Variants in RPGRIP1L observed in about 807,000 individuals in gnomAD.
RPGRIP1L encodes protein fantom.
RPGRIP1L carries 131 observed loss-of-function variants against 160.4 expected under a neutral mutation model. The ratio of observed to expected loss-of-function variants is 0.82; its 90% confidence interval spans 0.71 to 0.94. The LOEUF (loss-of-function observed/expected upper bound fraction) is 0.94, where lower values mean the gene tolerates loss of function less well. Among genes scored for constraint, RPGRIP1L ranks in the 40% least tolerant of loss-of-function variants. The pLI is 0.00. For missense variants in RPGRIP1L, 1,522 were observed against 1,535.8 expected, an observed-to-expected ratio of 0.99 and a Z score of 0.15; for synonymous variants, 510 against 515.8, an observed-to-expected ratio of 0.99 and a Z score of 0.15.
intron 10 of RPGRIP1L, among the ~76,000 whole-genome samples, chr16:53,660,724 C>G (rs1305072956): frequency 1.3e-5 from 2 of 150,800 alleles, no homozygotes; most frequent in Non-Finnish European, 3.0e-5. Flanking sequence ...TGAACCCCGT[C>G]TCTACTAAAA....
intron 15 of RPGRIP1L, among the ~76,000 whole-genome samples, chr16:53,651,196 C>T (rs1966850161): frequency 6.6e-6 from 1 of 152,108 alleles, no homozygotes; most frequent in Non-Finnish European, 1.5e-5. Flanking sequence ...GCTGCTCATG[C>T]CAGAAATTCT....
chr16:53,624,898 T>C (rs1368906158), intron 22 of RPGRIP1L, among the ~76,000 whole-genome samples: 1 of 151,308 alleles, frequency 6.6e-6, no homozygotes, highest in Non-Finnish European at 1.5e-5. Context: ...GCCGAGTGCC[T>C]GGGATTGCAG....
intron 4 of RPGRIP1L, among the ~76,000 whole-genome samples, chr16:53,688,746 G>A (rs1028193182): frequency 1.2e-4 from 18 of 152,052 alleles, no homozygotes; most frequent in Admixed American, 7.2e-4. Context: ...AGATTTCATT[G>A]CTCTGCATAT....
chr16:53,655,228 G>A (rs896831132), intron 14 of RPGRIP1L, among the ~76,000 whole-genome samples: 3 of 152,078 alleles, frequency 2.0e-5, no homozygotes, highest in Admixed American at 1.3e-4. Context: ...TTTAAACAAT[G>A]TCCCTCTTCT....
Position 53,699,385 on chromosome 16 carries a change from A to AT in RPGRIP1L, c.85+1253dup, listed in dbSNP as rs1223493674. Among the ~76,000 whole-genome samples the AT allele has an allele frequency of 2.5e-4, 34 of 135,384 alleles. 1 individual carries two copies. Among genetic ancestry groups the AT allele is most frequent in the Admixed American group, 1.7e-3 (23 of 13,602 alleles). The allele number at this position is 135,384 out of a possible 152,430, so 88.8% of individuals were successfully genotyped here. ...TGTGAGAAACACCCAAGAATGATCAATAAAAAAAAAAAAAAAAAAAAAAAA... is the reference window on the plus strand; with the variant it reads ...TGTGAGAAACACCCAAGAATGATCAATTAAAAAAAAAAAAAAAAAAAAAAAA... On this transcript the variant is annotated intron_variant, in intron 2 of 26. Coordinates refer to ENST00000647211, the MANE Select transcript of RPGRIP1L (RefSeq NM_015272.5).
At chr16:53,661,432 GAGAAT>G (rs1325024593) in intron 10 of RPGRIP1L, among the ~76,000 whole-genome samples, 1 of 152,016 alleles carries the variant, frequency 6.6e-6, no homozygotes, top group Non-Finnish European at 1.5e-5. Flanking sequence ...TTTTTTGTTA[GAGAAT>G]AGAATAAGTA....
intron 6 of RPGRIP1L, among the ~76,000 whole-genome samples, chr16:53,685,883 C>T (rs938805603): frequency 2.6e-5 from 4 of 151,968 alleles, no homozygotes; most frequent in African/African-American, 7.2e-5. Context: ...GAAATTATAA[C>T]AAAAAAAGTT....
At chr16:53,702,971 T>G (rs72803657) in intron 1 of RPGRIP1L, among the ~76,000 whole-genome samples, 4,815 of 152,322 alleles carry the variant, frequency 0.032, 161 homozygotes, top group East Asian at 0.14. Flanking sequence ...CCAACATTAA[T>G]ATTTATTGAA....
intron 9 of RPGRIP1L, among the ~76,000 whole-genome samples, chr16:53,671,038 A>C (rs1033029738): frequency 6.6e-6 from 1 of 152,198 alleles, no homozygotes; most frequent in Non-Finnish European, 1.5e-5. Context: ...TTGAGGCTGC[A>C]GTGAGCCATG....
intron 22 of RPGRIP1L, among the ~76,000 whole-genome samples, chr16:53,632,597 C>T (rs1965589311): frequency 6.6e-6 from 1 of 152,086 alleles, no homozygotes; most frequent in South Asian, 2.1e-4. Flanking sequence ...ATCCCCATTC[C>T]TTAAAAATCT....
chr16:53,698,240 G>A (rs1165444245), intron 2 of RPGRIP1L, among the ~76,000 whole-genome samples: 11 of 151,286 alleles, frequency 7.3e-5, no homozygotes, highest in East Asian at 2.0e-4. Flanking sequence ...GAGCCTCTCC[G>A]CCCGGCAGCC....
At chr16:53,624,333 A>C (rs1284574061) in intron 22 of RPGRIP1L, among the ~76,000 whole-genome samples, 1 of 152,204 alleles carries the variant, frequency 6.6e-6, no homozygotes, top group African/African-American at 2.4e-5. Flanking sequence ...CAGGCAGATC[A>C]TGAGGTCAGG....
At chr16:53,625,946 T>A (rs1005067219) in intron 22 of RPGRIP1L, among the ~76,000 whole-genome samples, 1 of 151,762 alleles carries the variant, frequency 6.6e-6, no homozygotes, top group Admixed American at 6.6e-5. Context: ...GAAGGCAGCA[T>A]GCTCGTTAAG....
At chr16:53,610,680 TC>T (rs1267733415) in intron 25 of RPGRIP1L, among the ~76,000 whole-genome samples, 9 of 152,204 alleles carry the variant, frequency 5.9e-5, no homozygotes, top group African/African-American at 2.2e-4. Context: ...CCTGTTACAG[TC>T]TTTACAACTA....
chr16:53,653,223 C>T (rs1386865451), intron 14 of RPGRIP1L: 23 of 756,092 alleles, frequency 3.0e-5, no homozygotes, highest in Non-Finnish European at 3.7e-5. Context: ...TAGCCTAAGC[C>T]AGGAAAAAGG....
chr16:53,690,661 C>T (rs560553100), intron 4 of RPGRIP1L, among the ~76,000 whole-genome samples: 7 of 152,268 alleles, frequency 4.6e-5, no homozygotes, highest in Admixed American at 4.6e-4. Context: ...ATCTTGCAGA[C>T]TTTAGAGATC....
intron 22 of RPGRIP1L, among the ~76,000 whole-genome samples, chr16:53,629,239 G>A (rs1370038845): frequency 6.6e-6 from 1 of 152,094 alleles, no homozygotes; most frequent in Non-Finnish European, 1.5e-5. Context: ...CTGGGCCCTG[G>A]CATTTAACAA....
intron 2 of RPGRIP1L, among the ~76,000 whole-genome samples, chr16:53,697,974 C>A (rs891969272): frequency 6.6e-6 from 1 of 151,442 alleles, no homozygotes; most frequent in African/African-American, 2.4e-5. Context: ...TCTGCCCGGC[C>A]GCCCATCGTC....
At chr16:53,670,610 A>G (rs949858607) in intron 9 of RPGRIP1L, among the ~76,000 whole-genome samples, 1 of 152,206 alleles carries the variant, frequency 6.6e-6, no homozygotes, top group Non-Finnish European at 1.5e-5. Context: ...AGATTAAGAA[A>G]CAAAATTGAA....
Sources: allele counts gnomAD v4.1 joint callset (sites outside exome capture counted in the v4.1 genomes callset), GRCh38; gene constraint gnomAD v4.1.1; transcripts MANE v1.5; gene names NCBI Gene and HGNC (gene_info 2026-07-23, HGNC 2026-07-21).